The following ALPK1 variants were observed in gnomAD, a reference collection of about 807,000 sequenced individuals.
ALPK1 encodes the protein alpha kinase 1, also known as alpha-protein kinase 1.
Under a neutral mutation model 120.6 loss-of-function variants are expected in ALPK1, and 110 were observed. The ratio of observed to expected loss-of-function variants is 0.91; its 90% CI spans 0.78 to 1.07. The LOEUF (loss-of-function observed/expected upper bound fraction) is 1.07. ALPK1 is among the 50% of genes least tolerant of loss of function. The pLI is 0.00. For synonymous variants in ALPK1, 582 were observed against 560.3 expected (o/e 1.04, Z -0.55); for missense variants, 1,498 against 1,483.9 (o/e 1.01, Z -0.16).
intron 4 of ALPK1, among the ~76,000 whole-genome samples, chr4:112,390,112 G>A (rs1333907296): frequency 1.3e-5 from 2 of 152,122 alleles, no homozygotes; most frequent in Non-Finnish European, 2.9e-5. Context: ...GTATGCCTAG[G>A]AATGCAAAAC....
chr4:112,430,396 C>A, intron 10 of ALPK1, 52 bp from the exon 11 acceptor site: 2 of 1,462,604 alleles, frequency 1.4e-6, no homozygotes, highest in African/African-American at 1.4e-5. Flanking sequence ...TGTCCTGATT[C>A]ACTTGCAGTT....
chr4:112,336,817 T>C (rs1729640486), intron 2 of ALPK1, among the ~76,000 whole-genome samples: 1 of 152,168 alleles, frequency 6.6e-6, no homozygotes. Flanking sequence ...ATCCTAGAAA[T>C]TACACATTTC....
intron 2 of ALPK1, among the ~76,000 whole-genome samples, chr4:112,369,298 G>C (rs1731292998): frequency 6.6e-6 from 1 of 152,086 alleles, no homozygotes; most frequent in South Asian, 2.1e-4. Context: ...TCTCCAGTCA[G>C]CTGCCTCTTT....
At chr4:112,365,916 A>G (rs1731129347) in intron 2 of ALPK1, among the ~76,000 whole-genome samples, 1 of 152,246 alleles carries the variant, frequency 6.6e-6, no homozygotes, top group Non-Finnish European at 1.5e-5. Context: ...ACTTACAGTT[A>G]ACTGATCTTC....
chr4:112,367,110 G>GT (rs1370918644), intron 2 of ALPK1, among the ~76,000 whole-genome samples: 35 of 152,296 alleles, frequency 2.3e-4, no homozygotes, highest in South Asian at 1.0e-3. Context: ...CAGTGTTCGG[G>GT]TGATGGGGTT....
chr4:112,391,481 G>A (rs989894560), intron 4 of ALPK1, among the ~76,000 whole-genome samples: 6 of 152,078 alleles, frequency 3.9e-5, no homozygotes, highest in Admixed American at 6.5e-5. Context: ...CTTATCCCTC[G>A]GTACCTCAGA....
chr4:112,378,017 G>A (rs1731745385), intron 3 of ALPK1, 119 bp downstream of exon 3: 1 of 1,168,586 alleles, frequency 8.6e-7, no homozygotes, highest in South Asian at 2.4e-5. Context: ...TGACCACCGA[G>A]AGATGAGTGG....
intron 6 of ALPK1, 110 bp from the exon 7 acceptor site, chr4:112,425,555 T>A: frequency 1.2e-6 from 1 of 867,908 alleles, no homozygotes; most frequent in Non-Finnish European, 1.9e-6. Context: ...GAGACGAGAT[T>A]GTTTCTCAAA....
In ALPK1 at chr4:112,441,414, GA is replaced by G; in HGVS notation, c.*207del. 4 of 622,952 alleles carry G rather than the reference GA, an allele frequency of 6.4e-6. No individual in the cohort carries two copies. In the South Asian group the frequency reaches 7.6e-5, roughly 12 times the overall value. 38.6% of individuals were successfully genotyped at this position (622,952 alleles called of 1,614,324 possible). ...TGCTTCTGGGCATAAGTCCTGCAAG[GA>G]AAGCAACATGGAAAACAGCCCCAAC... is the stretch of plus-strand genomic sequence containing the variant. On this transcript the variant is annotated 3_prime_UTR_variant, in exon 16 of 16. Transcript: ENST00000650871.
chr4:112,335,573 CT>C (rs1480681517), intron 2 of ALPK1, among the ~76,000 whole-genome samples: 1 of 152,104 alleles, frequency 6.6e-6, no homozygotes, highest in African/African-American at 2.4e-5. Flanking sequence ...GGACTAATAT[CT>C]GTGTGGGGTG....
intron 2 of ALPK1, among the ~76,000 whole-genome samples, chr4:112,349,550 T>TTCCC (rs1560647754): frequency 1.5e-4 from 10 of 65,044 alleles, no homozygotes; most frequent in South Asian, 7.8e-4. Context: ...CCCCAACCCC[T>TTCCC]GCCCCCCCCC....
intron 2 of ALPK1, among the ~76,000 whole-genome samples, chr4:112,340,163 T>C (rs1356761407): frequency 1.3e-5 from 2 of 152,254 alleles, no homozygotes; most frequent in Non-Finnish European, 2.9e-5. Context: ...AGACTGCTGC[T>C]GTGGCCACAT....
intron 5 of ALPK1, among the ~76,000 whole-genome samples, chr4:112,421,239 A>C (rs1733978329): frequency 6.6e-6 from 1 of 152,202 alleles, no homozygotes; most frequent in Admixed American, 6.5e-5. Context: ...TCTTAAATCA[A>C]GCTGATATAA....
chr4:112,356,082 C>A (rs767727186), intron 2 of ALPK1: 1 of 1,052,186 alleles, frequency 9.5e-7, no homozygotes, highest in Non-Finnish European at 1.5e-6. Context: ...TCTCACAGAC[C>A]CGAATAGCCT....
In ALPK1 at chr4:112,315,245, T is replaced by G. The variant is rs114976593; in HGVS notation, c.-152-556T>G. Among the ~76,000 whole-genome samples, 960 of 152,304 alleles carry G rather than the reference T, an allele frequency of 6.3e-3. 13 individuals carry two copies. Among genetic ancestry groups the G allele is most frequent in the African/African-American group, 0.022 (916 of 41,550 alleles). The stretch of plus-strand genomic sequence containing the variant: ...ATTGCAAACTTCTTTAGCAACATTT[T>G]TGTATAAATAACTGGGGGATTCCCA... On this transcript the variant is annotated intron_variant, in intron 1 of 15. Coordinates refer to ENST00000650871, the MANE Select transcript of ALPK1 (RefSeq NM_025144.4).
chr4:112,440,306 T>C lies in ALPK1; in HGVS notation c.3538+434T>C, dbSNP rs547912302. On this transcript the variant is annotated intron_variant, in intron 14 of 15. Transcript: ENST00000650871. ...GGTCATTATAGAACAGAAATCTGTA[T>C]CTTTAAACTATGTACTTAAATATGA... Among the ~76,000 whole-genome samples the C allele has an allele frequency of 2.9e-3, 442 of 152,340 alleles. 2 individuals carry two copies. Among genetic ancestry groups the C allele is most frequent in the African/African-American group, 0.01 (416 of 41,578 alleles).
chr4:112,325,465 G>A (rs1729072239), intron 2 of ALPK1, among the ~76,000 whole-genome samples: 1 of 152,200 alleles, frequency 6.6e-6, no homozygotes, highest in Admixed American at 6.5e-5. Flanking sequence ...GAAATATTTT[G>A]TGATGGTATT....
intron 3 of ALPK1, among the ~76,000 whole-genome samples, chr4:112,381,147 C>T (rs139101349): frequency 5.5e-4 from 83 of 152,108 alleles, no homozygotes; most frequent in African/African-American, 1.8e-3. Flanking sequence ...AGGGACTGGA[C>T]GGAGCAAGAT....
chr4:112,306,085 C>G (rs898948111), intron 1 of ALPK1, among the ~76,000 whole-genome samples: 1 of 152,096 alleles, frequency 6.6e-6, no homozygotes, highest in Non-Finnish European at 1.5e-5. Flanking sequence ...AGCCTTGCAT[C>G]CCAGGGATGA....
Sources: allele counts gnomAD v4.1 joint callset (sites outside exome capture counted in the v4.1 genomes callset), GRCh38; gene constraint gnomAD v4.1.1; transcripts MANE v1.5; gene names NCBI Gene and HGNC (gene_info 2026-07-23, HGNC 2026-07-21).